Variants in DPP6 observed in about 807,000 individuals in gnomAD.
DPP6 encodes the protein A-type potassium channel modulatory protein DPP6.
In DPP6, 69 loss-of-function variants were observed where a neutral mutation model predicts 122.6. The observed-to-expected ratio is 0.56, with a 90% CI of 0.46 to 0.69. The LOEUF is 0.69. Among genes scored for constraint, DPP6 ranks in the 30% least tolerant of loss-of-function variants. DPP6 has a pLI of 0.00. For missense variants in DPP6, 928 were observed against 1,116.9 expected (o/e 0.83, Z 2.41); for synonymous variants, 418 against 433.1 (o/e 0.97, Z 0.43).
chr7:154,861,405 A>ATACT (rs546048790), intron 17 of DPP6, among the ~76,000 whole-genome samples: 23 of 152,308 alleles, frequency 1.5e-4, no homozygotes, highest in East Asian at 9.6e-4. Context: ...TGGCAATTTG[A>ATACT]TACTTACCAC....
chr7:154,716,792 AT>A (rs1363089731), intron 7 of DPP6, among the ~76,000 whole-genome samples: 1 of 148,658 alleles, frequency 6.7e-6, no homozygotes, highest in Non-Finnish European at 1.5e-5. Flanking sequence ...AATTGTACTT[AT>A]TTAATGTGGT....
intron 7 of DPP6, among the ~76,000 whole-genome samples, chr7:154,724,302 A>C (rs138176104): frequency 5.3e-5 from 8 of 152,314 alleles, no homozygotes; most frequent in Non-Finnish European, 1.0e-4. Context: ...CCAACTCTGC[A>C]GATGGTTCTC....
intron 11 of DPP6, 30 bp downstream of exon 11, chr7:154,794,232 A>T: frequency 6.3e-7 from 1 of 1,577,778 alleles, no homozygotes; most frequent in Middle Eastern, 1.7e-4. Flanking sequence ...TGGAGGGGAG[A>T]CGGGTGAAGA....
At chr7:154,081,174 G>A (rs1273454375) in intron 1 of DPP6, among the ~76,000 whole-genome samples, 1 of 151,814 alleles carries the variant, frequency 6.6e-6, no homozygotes, top group Non-Finnish European at 1.5e-5. Flanking sequence ...AAATGAGCCA[G>A]TATGCTGGGG....
At chr7:154,783,334 G>A (rs536518985) in intron 10 of DPP6, among the ~76,000 whole-genome samples, 10 of 152,202 alleles carry the variant, frequency 6.6e-5, no homozygotes, top group Admixed American at 2.0e-4. Flanking sequence ...GTCTTCTCTC[G>A]TCTCTGCCCG....
chr7:154,139,223 A>G (rs899541094), intron 1 of DPP6, among the ~76,000 whole-genome samples: 3 of 147,384 alleles, frequency 2.0e-5, no homozygotes, highest in Non-Finnish European at 4.5e-5. Flanking sequence ...GGAAGCTGGC[A>G]GTGTGGCTCA....
intron 3 of DPP6, among the ~76,000 whole-genome samples, chr7:154,478,908 A>C (rs550168244): frequency 4.6e-5 from 7 of 152,304 alleles, no homozygotes; most frequent in Admixed American, 4.6e-4. Flanking sequence ...AGATGAAGAA[A>C]AATGGTGTAA....
At chr7:154,840,931 T>C (rs1801477694) in intron 16 of DPP6, among the ~76,000 whole-genome samples, 1 of 152,190 alleles carries the variant, frequency 6.6e-6, no homozygotes, top group Non-Finnish European at 1.5e-5. Flanking sequence ...GACTGTCAAT[T>C]GGCGACTTGC....
intron 1 of DPP6, among the ~76,000 whole-genome samples, chr7:154,291,133 G>A (rs1805181565): frequency 6.6e-6 from 1 of 152,140 alleles, no homozygotes; most frequent in African/African-American, 2.4e-5. Context: ...TGACCCCTGA[G>A]ATGAGAGGGT....
rs954939778 is a variant in DPP6, at chr7:154,821,453, G to A, written c.1666+14341G>A. 2.0e-5 allele frequency among the ~76,000 whole-genome samples: 3 copies of A among 151,870 alleles called. No homozygotes were observed. The highest frequency in any genetic ancestry group is 4.8e-5 in the African/African-American group (2 of 41,334). On this transcript the variant is annotated intron_variant, in intron 16 of 25. Coordinates refer to ENST00000377770, the MANE Select transcript of DPP6 (RefSeq NM_130797.4). The surrounding 1 kb of genome is among the most constrained non-coding windows in gnomAD (Gnocchi z 4.2). Reference sequence around the variant, plus strand: ...GACTGACCGATTGATTGGCAGGTAGGAAAATTAAAGTACTCTTAGCCTAGC... The same window carrying A: ...GACTGACCGATTGATTGGCAGGTAGAAAAATTAAAGTACTCTTAGCCTAGC...
chr7:154,032,658 C>G (rs1799303675), intron 1 of DPP6, among the ~76,000 whole-genome samples: 1 of 151,986 alleles, frequency 6.6e-6, no homozygotes, highest in African/African-American at 2.4e-5. Flanking sequence ...TGCAATCTGA[C>G]ATATTTTATC....
chr7:154,201,129 G>T (rs60473552), intron 1 of DPP6, among the ~76,000 whole-genome samples: 5,300 of 151,914 alleles, frequency 0.035, 283 homozygotes, highest in African/African-American at 0.12. Flanking sequence ...GCCTTTTTTT[G>T]TTGTTGTTTT....
intron 1 of DPP6, among the ~76,000 whole-genome samples, chr7:154,060,769 C>A (rs1332975086): frequency 7.1e-6 from 1 of 141,844 alleles, no homozygotes; most frequent in African/African-American, 2.7e-5. Context: ...CCTCTTCCCC[C>A]CCTGGCTCTT....
chr7:153,881,426 T>C, the DPP6 span, among the ~76,000 whole-genome samples: 1 of 152,224 alleles, frequency 6.6e-6, no homozygotes, highest in Admixed American at 6.5e-5. Flanking sequence ...AGGGTTGATA[T>C]TGGACTTAAT....
intron 7 of DPP6, among the ~76,000 whole-genome samples, chr7:154,692,013 A>T (rs59305788): frequency 6.6e-6 from 1 of 152,122 alleles, no homozygotes; most frequent in Non-Finnish European, 1.5e-5. Flanking sequence ...GATGATGTGT[A>T]TAACCCCTCT....
In DPP6 at chr7:154,061,668, C is replaced by T. The variant is rs1316869160; in HGVS notation, c.243+8605C>T. On this transcript the variant is annotated intron_variant, in intron 1 of 25. Coordinates refer to ENST00000377770, the MANE Select transcript of DPP6 (RefSeq NM_130797.4). ...CGGGGACTCAGAGCCAACCCCTCTT[C>T]CCCCCCTGGCTCTTGGGACCACCAT... 4.7e-3 allele frequency among the ~76,000 whole-genome samples: 644 copies of T among 137,534 alleles called. 7 individuals carry two copies. Among genetic ancestry groups the T allele is most frequent in the African/African-American group, 0.017 (608 of 36,056 alleles). The allele number at this position is 137,534 out of a possible 152,430, so 90.2% of individuals were successfully genotyped here.
the DPP6 span, among the ~76,000 whole-genome samples, chr7:153,806,738 A>G: frequency 6.6e-6 from 1 of 151,956 alleles, no homozygotes; most frequent in South Asian, 2.1e-4. Flanking sequence ...AAAGTGTTGT[A>G]TATTGATGCC....
At chr7:154,300,152 G>A (rs1805809904) in intron 1 of DPP6, among the ~76,000 whole-genome samples, 1 of 152,244 alleles carries the variant, frequency 6.6e-6, no homozygotes, top group Non-Finnish European at 1.5e-5. Context: ...AGCATGGCAA[G>A]ACAAGCGGCT....
intron 1 of DPP6, among the ~76,000 whole-genome samples, chr7:154,344,427 G>A (rs1225316354): frequency 6.6e-6 from 1 of 152,180 alleles, no homozygotes; most frequent in East Asian, 1.9e-4. Flanking sequence ...AAATGCTGGC[G>A]AGGATGTGGA....
Sources: allele counts gnomAD v4.1 joint callset (sites outside exome capture counted in the v4.1 genomes callset), GRCh38; gene constraint gnomAD v4.1.1; non-coding constraint Gnocchi (gnomAD v3.1); transcripts MANE v1.5; gene names NCBI Gene and HGNC (gene_info 2026-07-23, HGNC 2026-07-21).